Variants in KLRG1 observed in about 807,000 individuals in gnomAD.
The protein encoded by KLRG1 is killer cell lectin-like receptor subfamily G member 1.
KLRG1 carries 16 observed loss-of-function variants against 21.8 expected under a neutral mutation model. That is an observed-to-expected ratio of 0.73 (90% CI 0.50 to 1.11). The LOEUF is 1.11. Ranked by LOEUF, KLRG1 falls within the 50% of genes most tolerant of loss-of-function variation. The pLI is 0.00. For synonymous variants in KLRG1, 69 were observed against 75.9 expected (o/e 0.91, Z 0.47); for missense variants, 173 against 218.3 (o/e 0.79, Z 1.31).
the KLRG1 span, chr12:9,162,500 C>G: frequency 1.2e-6 from 1 of 860,658 alleles, no homozygotes; most frequent in Non-Finnish European, 1.9e-6. Flanking sequence ...ATGGAACACT[C>G]TGAAAACTGG....
At chr12:9,072,765 C>T in the KLRG1 span, 1 of 1,614,158 alleles carries the variant, frequency 6.2e-7, no homozygotes. Flanking sequence ...TTGGAATTTG[C>T]TGGAAAATGT....
At chr12:9,117,934 C>A in the KLRG1 span, among the ~76,000 whole-genome samples, 3 of 151,908 alleles carry the variant, frequency 2.0e-5, no homozygotes, top group African/African-American at 7.3e-5. Flanking sequence ...GAATTTTATA[C>A]TTACAACATA....
the KLRG1 span, among the ~76,000 whole-genome samples, chr12:9,074,059 G>A: frequency 7.0e-6 from 1 of 143,310 alleles, no homozygotes; most frequent in Non-Finnish European, 1.5e-5. Flanking sequence ...CTGCATTCCA[G>A]CCTAGGTGAC....
the KLRG1 span, chr12:9,157,892 T>C: frequency 6.9e-7 from 1 of 1,446,874 alleles, no homozygotes; most frequent in East Asian, 2.3e-5. Context: ...TGTTAGTATA[T>C]TCTCTTCTGT....
chr12:9,099,280 T>G, the KLRG1 span: 1 of 1,133,856 alleles, frequency 8.8e-7, no homozygotes, highest in Admixed American at 2.1e-5. Context: ...GGGGAATTTG[T>G]TTAACCCTTT....
the KLRG1 span, among the ~76,000 whole-genome samples, chr12:9,063,063 G>A: frequency 7.9e-4 from 120 of 151,632 alleles, no homozygotes; most frequent in African/African-American, 2.2e-3. Flanking sequence ...TTTTTTTCCC[G>A]AGCAATAATT....
At chr12:9,104,674 A>C in the KLRG1 span, among the ~76,000 whole-genome samples, 44 of 152,338 alleles carry the variant, frequency 2.9e-4, no homozygotes, top group African/African-American at 9.9e-4. Context: ...ATAGAGAGTG[A>C]TAGGGATAAT....
At chr12:9,196,420 G>C in the KLRG1 span, 1 of 1,612,558 alleles carries the variant, frequency 6.2e-7, no homozygotes, top group South Asian at 1.1e-5. Context: ...CACTGATCCT[G>C]TTTGCAGTGA....
At chr12:9,070,704 C>T in the KLRG1 span, 5 of 655,912 alleles carry the variant, frequency 7.6e-6, no homozygotes, top group South Asian at 6.7e-5. Context: ...TATCTTATCC[C>T]AGTGGTTTGT....
chr12:9,174,061 C>T, the KLRG1 span, among the ~76,000 whole-genome samples: 3 of 152,124 alleles, frequency 2.0e-5, no homozygotes, highest in African/African-American at 7.2e-5. Context: ...TGATGAACAT[C>T]GATGCAAAAA....
the KLRG1 span, among the ~76,000 whole-genome samples, chr12:9,205,029 T>C: frequency 1.3e-5 from 2 of 152,130 alleles, no homozygotes; most frequent in African/African-American, 4.8e-5. Flanking sequence ...GCCCACGAGG[T>C]TGAGGCTACA....
the KLRG1 span, among the ~76,000 whole-genome samples, chr12:9,049,244 G>T: frequency 1.3e-5 from 2 of 152,150 alleles, no homozygotes; most frequent in Admixed American, 6.5e-5. Context: ...CTTGGTCAAA[G>T]ATTCCTATCC....
chr12:9,022,739 G>A, the KLRG1 span, among the ~76,000 whole-genome samples: 7 of 151,540 alleles, frequency 4.6e-5, no homozygotes, highest in East Asian at 3.9e-4. Context: ...ATATGCCTAC[G>A]TGTGCCACTC....
the KLRG1 span, among the ~76,000 whole-genome samples, chr12:9,113,143 T>C: frequency 6.6e-6 from 1 of 151,044 alleles, no homozygotes; most frequent in South Asian, 2.1e-4. Flanking sequence ...AGGGTTTCTA[T>C]GTGATTATTA....
chr12:9,080,366 A>G, the KLRG1 span: 1 of 396,856 alleles, frequency 2.5e-6, no homozygotes, highest in Non-Finnish European at 4.5e-6. Context: ...GATTTTCAGA[A>G]TTTCTTCTTC....
chr12:9,072,972 T>G, the KLRG1 span: 1 of 803,490 alleles, frequency 1.2e-6, no homozygotes, highest in Non-Finnish European at 2.0e-6. Context: ...GATTTCCTAC[T>G]TCCCTCACTA....
chr12:9,204,032 A>G, the KLRG1 span: 9 of 1,323,230 alleles, frequency 6.8e-6, no homozygotes, highest in Non-Finnish European at 9.5e-6. Flanking sequence ...TCATAACAAT[A>G]TGTATTAATT....
the KLRG1 span, chr12:9,160,191 G>T: frequency 9.1e-7 from 1 of 1,102,632 alleles, no homozygotes; most frequent in Non-Finnish European, 1.3e-6. Context: ...CTATTAGAGT[G>T]TGGGAAGATT....
the KLRG1 span, among the ~76,000 whole-genome samples, chr12:9,074,133 GTA>G: frequency 6.6e-6 from 1 of 150,556 alleles, no homozygotes; most frequent in East Asian, 1.9e-4. Context: ...CACAAAATGT[GTA>G]GTTTTGAGAA....
Sources: allele counts gnomAD v4.1 joint callset (sites outside exome capture counted in the v4.1 genomes callset), GRCh38; gene constraint gnomAD v4.1.1; transcripts MANE v1.5; gene names NCBI Gene and HGNC (gene_info 2026-07-23, HGNC 2026-07-21).